The following MAGI2 variants were observed in gnomAD, a reference collection of about 807,000 sequenced individuals.
MAGI2 encodes membrane associated guanylate kinase, WW and PDZ domain containing 2, also known as membrane-associated guanylate kinase, WW and PDZ domain-containing protein 2.
In MAGI2, 35 loss-of-function variants were observed where a neutral mutation model predicts 133.3. The ratio of observed to expected loss-of-function variants is 0.26; its 90% CI spans 0.20 to 0.35. MAGI2 has a LOEUF of 0.35. Among genes scored for constraint, MAGI2 ranks in the 10% least tolerant of loss-of-function variants. The pLI, the probability that MAGI2 is intolerant of heterozygous loss-of-function variation, is 1.00. For missense variants in MAGI2, 1,636 were observed against 1,863.4 expected, an observed-to-expected ratio of 0.88 and a Z score of 2.25; for synonymous variants, 729 against 710.6, an observed-to-expected ratio of 1.03 and a Z score of -0.41.
intron 1 of MAGI2, among the ~76,000 whole-genome samples, chr7:79,270,421 G>T (rs1487492298): frequency 6.6e-6 from 1 of 152,162 alleles, no homozygotes; most frequent in African/African-American, 2.4e-5. Flanking sequence ...CTAACTGAGA[G>T]AAGTCATTCC....
At chr7:78,956,413 A>G (rs1802385016) in intron 2 of MAGI2, among the ~76,000 whole-genome samples, 1 of 152,144 alleles carries the variant, frequency 6.6e-6, no homozygotes, top group Non-Finnish European at 1.5e-5. Context: ...GACCTACACT[A>G]AAAGGTCCAC....
chr7:78,742,663 T>C (rs376874539), intron 2 of MAGI2, among the ~76,000 whole-genome samples: 1 of 152,114 alleles, frequency 6.6e-6, no homozygotes, highest in African/African-American at 2.4e-5. Context: ...CACAAGAAAA[T>C]CCCCTATCTC....
chr7:78,447,729 A>G (rs1453922104), intron 6 of MAGI2, among the ~76,000 whole-genome samples: 1 of 152,228 alleles, frequency 6.6e-6, no homozygotes. Context: ...GAAAGCAATG[A>G]ATAGATACAA....
At chr7:79,424,196 T>C (rs1847174063) in intron 1 of MAGI2, among the ~76,000 whole-genome samples, 1 of 152,028 alleles carries the variant, frequency 6.6e-6, no homozygotes, top group African/African-American at 2.4e-5. Context: ...CAAGAAATAA[T>C]ATTTCACTAA....
chr7:78,556,304 A>G (rs1799817328), intron 3 of MAGI2, among the ~76,000 whole-genome samples: 1 of 152,200 alleles, frequency 6.6e-6, no homozygotes, highest in Admixed American at 6.5e-5. Context: ...ACCTTTGCCC[A>G]GGGCCATGTG....
intron 6 of MAGI2, among the ~76,000 whole-genome samples, chr7:78,405,910 A>AT (rs968118162): frequency 2.4e-5 from 1 of 42,508 alleles, no homozygotes; most frequent in African/African-American, 1.4e-4. Flanking sequence ...GAAAATATAC[A>AT]TTTTTGATAA....
intron 1 of MAGI2, among the ~76,000 whole-genome samples, chr7:79,235,920 C>G (rs966742301): frequency 6.6e-6 from 1 of 152,186 alleles, no homozygotes; most frequent in East Asian, 1.9e-4. Flanking sequence ...ACAGTTGGTG[C>G]TCAATAAACA....
At chr7:79,297,431 C>T (rs1837024536) in intron 1 of MAGI2, among the ~76,000 whole-genome samples, 1 of 152,148 alleles carries the variant, frequency 6.6e-6, no homozygotes. Flanking sequence ...CATTTACAGG[C>T]TCTTCCCATG....
intron 12 of MAGI2, 141 bp downstream of exon 12, chr7:78,194,733 T>G (rs1185608546): frequency 1.7e-6 from 1 of 585,024 alleles, no homozygotes; most frequent in Non-Finnish European, 2.6e-6. Context: ...CTAAGATAAT[T>G]TTAGACCAGC....
intron 2 of MAGI2, among the ~76,000 whole-genome samples, chr7:78,643,195 A>G (rs1357117976): frequency 6.6e-6 from 1 of 152,202 alleles, no homozygotes; most frequent in East Asian, 1.9e-4. Flanking sequence ...GATAGTCTCT[A>G]AAGTGTTGTC....
chr7:78,784,670 C>T (rs1446700166), intron 2 of MAGI2, among the ~76,000 whole-genome samples: 2 of 152,150 alleles, frequency 1.3e-5, no homozygotes, highest in African/African-American at 2.4e-5. Flanking sequence ...AGTCTATTAG[C>T]GTTAGATCAT....
intron 1 of MAGI2, among the ~76,000 whole-genome samples, chr7:79,350,031 G>T (rs2190174): frequency 0.15 from 22,647 of 151,994 alleles, 1,794 homozygotes; most frequent in South Asian, 0.25. Context: ...CTTTCCTAAT[G>T]TTTAAGTACA....
At chr7:78,510,873 G>C (rs1347880136) in intron 4 of MAGI2, among the ~76,000 whole-genome samples, 1 of 152,070 alleles carries the variant, frequency 6.6e-6, no homozygotes, top group Non-Finnish European at 1.5e-5. Context: ...TTTTATACTG[G>C]TCCAAAGCTT....
At chr7:78,935,819 A>G (rs764656618) in intron 2 of MAGI2, among the ~76,000 whole-genome samples, 6 of 152,082 alleles carry the variant, frequency 3.9e-5, no homozygotes, top group Non-Finnish European at 7.4e-5. Flanking sequence ...GGAGACCATT[A>G]GCTTTGAGTT....
At chr7:79,156,439 AC>A (rs1823785963) in intron 1 of MAGI2, among the ~76,000 whole-genome samples, 1 of 152,070 alleles carries the variant, frequency 6.6e-6, no homozygotes, top group Non-Finnish European at 1.5e-5. Flanking sequence ...AACCTTTGTC[AC>A]CTATTGTCTC....
chr7:78,396,202 T>C (rs1796331666), intron 6 of MAGI2, among the ~76,000 whole-genome samples: 1 of 152,148 alleles, frequency 6.6e-6, no homozygotes, highest in Admixed American at 6.6e-5. Flanking sequence ...GCAAAGCGAT[T>C]GTAAATAAGT....
chr7:79,447,677 G>A (rs927677264), intron 1 of MAGI2, among the ~76,000 whole-genome samples: 1 of 151,484 alleles, frequency 6.6e-6, no homozygotes, highest in African/African-American at 2.4e-5. Context: ...ACTATAGTAC[G>A]TTAATAGTAT....
At chr7:78,634,132 A>G (rs1411581702) in intron 2 of MAGI2, among the ~76,000 whole-genome samples, 1 of 152,208 alleles carries the variant, frequency 6.6e-6, no homozygotes, top group African/African-American at 2.4e-5. Flanking sequence ...TTACTGTTTG[A>G]GTATGAAAAA....
rs1385517709 is a variant in MAGI2, at chr7:78,497,766, T to TCTATCTGTCTATCTATCTATCTA, written c.965+3810_965+3811insTAGATAGATAGATAGACAGATAG. 2.1e-3 allele frequency among the ~76,000 whole-genome samples: 289 copies of TCTATCTGTCTATCTATCTATCTA among 135,416 alleles called. 6 individuals carry two copies. Among genetic ancestry groups the TCTATCTGTCTATCTATCTATCTA allele is most frequent in the African/African-American group, 7.3e-3 (275 of 37,528 alleles). The allele number at this position is 135,416 out of a possible 152,430, so 88.8% of individuals were successfully genotyped here. ...TATCTATCTATCTATCTATCTATCT[T>TCTATCTGTCTATCTATCTATCTA]TCTATCTTATACACAGAACCAAAGA... On this transcript the variant is annotated intron_variant, in intron 5 of 21. Coordinates refer to ENST00000354212, the MANE Select transcript of MAGI2 (RefSeq NM_012301.4).
Sources: allele counts gnomAD v4.1 joint callset (sites outside exome capture counted in the v4.1 genomes callset), GRCh38; gene constraint gnomAD v4.1.1; transcripts MANE v1.5; gene names NCBI Gene and HGNC (gene_info 2026-07-23, HGNC 2026-07-21).